LDB2: variants seen among roughly 807,000 people sequenced by gnomAD.
The protein encoded by LDB2 is LIM domain-binding protein 2.
Under a neutral mutation model 44.3 loss-of-function variants are expected in LDB2, and 12 were observed. The ratio of observed to expected loss-of-function variants is 0.27; its 90% CI spans 0.17 to 0.44. The LOEUF is 0.44. Among genes scored for constraint, LDB2 ranks in the 20% least tolerant of loss-of-function variants. LDB2 has a pLI of 1.00. For missense variants in LDB2, 344 were observed against 473.5 expected (o/e 0.73, Z 2.54); for synonymous variants, 164 against 174.8 (o/e 0.94, Z 0.49).
chr4:16,610,974 G>C (rs879737274), intron 2 of LDB2, among the ~76,000 whole-genome samples: 6 of 152,152 alleles, frequency 3.9e-5, no homozygotes, highest in Admixed American at 3.3e-4. Flanking sequence ...AGAAAGGCCA[G>C]GTCACCTACA....
chr4:16,675,547 A>G (rs754542468), intron 2 of LDB2, among the ~76,000 whole-genome samples: 6 of 151,844 alleles, frequency 4.0e-5, no homozygotes, highest in Admixed American at 6.5e-5. Context: ...AGGCAGGGAT[A>G]TAGATAATTA....
chr4:16,661,050 C>A (rs1200291870), intron 2 of LDB2, among the ~76,000 whole-genome samples: 2 of 152,192 alleles, frequency 1.3e-5, no homozygotes, highest in Admixed American at 6.5e-5. Flanking sequence ...AAATTATACC[C>A]TGTTCTTTCC....
chr4:16,567,524 TGTTTGG>T (rs758860963), intron 5 of LDB2, among the ~76,000 whole-genome samples: 7 of 151,788 alleles, frequency 4.6e-5, no homozygotes, highest in Non-Finnish European at 7.4e-5. Flanking sequence ...GGGAACTGAG[TGTTTGG>T]GAGGCCGAGG....
chr4:16,719,671 C>T (rs1265253855), intron 2 of LDB2, among the ~76,000 whole-genome samples: 2 of 152,052 alleles, frequency 1.3e-5, no homozygotes, highest in Admixed American at 6.6e-5. Flanking sequence ...CCTAATGCAG[C>T]AGTGTTGAGA....
intron 3 of LDB2, among the ~76,000 whole-genome samples, chr4:16,590,130 G>A (rs758138724): frequency 2.6e-5 from 4 of 152,092 alleles, no homozygotes; most frequent in Non-Finnish European, 4.4e-5. Flanking sequence ...CACTAGCGGC[G>A]GCTTCTCAGG....
At chr4:16,656,259 T>C (rs1010636165) in intron 2 of LDB2, among the ~76,000 whole-genome samples, 4 of 152,204 alleles carry the variant, frequency 2.6e-5, no homozygotes, top group Admixed American at 1.3e-4. Flanking sequence ...CATATTGCCT[T>C]AATTTGTTTC....
intron 1 of LDB2, among the ~76,000 whole-genome samples, chr4:16,762,283 C>T (rs941939813): frequency 2.6e-5 from 4 of 152,162 alleles, no homozygotes; most frequent in Middle Eastern, 3.2e-3. Context: ...TTTTCCCTGG[C>T]AACAGCATCT....
Position 16,502,503 on chromosome 4 carries a change from A to C in LDB2, c.*140T>G, listed in dbSNP as rs1717775925. 8.4e-7 allele frequency: 1 copy of C among 1,192,236 alleles called. No individual in the cohort carries two copies. The highest frequency in any genetic ancestry group is 1.2e-6 in the Non-Finnish European group (1 of 840,294). The allele number at this position is 1,192,236 out of a possible 1,614,324, so 73.9% of individuals were successfully genotyped here. A position where few individuals can be genotyped will look rare whatever the true frequency, so the allele number is the denominator to read the frequency against. On this transcript the variant is annotated 3_prime_UTR_variant, in exon 8 of 8. Coordinates refer to ENST00000304523, the MANE Select transcript of LDB2 (RefSeq NM_001290.5). ...TTAGAAAAAAAGAAAGAAGAAAGAA[A>C]ATCAGATCATTGTGGTTTAGAAATA...
At chr4:16,882,154 T>A (rs1156733684) in intron 1 of LDB2, among the ~76,000 whole-genome samples, 3 of 152,054 alleles carry the variant, frequency 2.0e-5, no homozygotes, top group Admixed American at 2.0e-4. Context: ...TAACTGGAGG[T>A]TCAGCTGGCT....
intron 2 of LDB2, among the ~76,000 whole-genome samples, chr4:16,749,348 A>C (rs1307115165): frequency 6.6e-6 from 1 of 151,884 alleles, no homozygotes; most frequent in Admixed American, 6.6e-5. Context: ...CCACAAGGTC[A>C]GGAGTTCGAG....
At chr4:16,773,184 G>A (rs1404055819) in intron 1 of LDB2, among the ~76,000 whole-genome samples, 1 of 152,220 alleles carries the variant, frequency 6.6e-6, no homozygotes, top group African/African-American at 2.4e-5. Flanking sequence ...TATGACGTCT[G>A]AAGAGGAGAA....
intron 2 of LDB2, among the ~76,000 whole-genome samples, chr4:16,705,471 G>A (rs1183586837): frequency 6.6e-6 from 1 of 152,102 alleles, no homozygotes; most frequent in Non-Finnish European, 1.5e-5. Flanking sequence ...CTAGTAATTT[G>A]CTGTGAGAAC....
chr4:16,521,124 T>G (rs1186907959), intron 5 of LDB2, among the ~76,000 whole-genome samples: 2 of 152,154 alleles, frequency 1.3e-5, no homozygotes, highest in Non-Finnish European at 2.9e-5. Context: ...AGAAGCAGGT[T>G]GTGTTCATTT....
intron 2 of LDB2, among the ~76,000 whole-genome samples, chr4:16,686,369 G>A (rs934467254): frequency 1.3e-5 from 2 of 152,166 alleles, no homozygotes; most frequent in Non-Finnish European, 2.9e-5. Flanking sequence ...CAAAGTGGGT[G>A]GTATTACTCT....
intron 1 of LDB2, among the ~76,000 whole-genome samples, chr4:16,795,050 G>C (rs1776464665): frequency 6.6e-6 from 1 of 152,176 alleles, no homozygotes; most frequent in Non-Finnish European, 1.5e-5. Context: ...AGGGCGCTAG[G>C]AGCGGGGAAG....
At chr4:16,537,259 A>G (rs1732178949) in intron 5 of LDB2, among the ~76,000 whole-genome samples, 1 of 152,212 alleles carries the variant, frequency 6.6e-6, no homozygotes, top group Non-Finnish European at 1.5e-5. Context: ...AGGAAAACAC[A>G]ATGTAGTTTT....
intron 1 of LDB2, among the ~76,000 whole-genome samples, chr4:16,851,317 C>A (rs1256227078): frequency 1.3e-5 from 2 of 151,906 alleles, no homozygotes; most frequent in Non-Finnish European, 1.5e-5. Flanking sequence ...CAAAACCAAC[C>A]AAATAGTATG....
chr4:16,606,527 T>A lies in LDB2; in HGVS notation c.236-10652A>T, dbSNP rs574005853. Reference sequence around the variant, plus strand: ...TTTTTGCCATTTAGATCATAAAGCATGTCCCTCACAAAGTGACAGCCCTCA... The same window carrying A: ...TTTTTGCCATTTAGATCATAAAGCAAGTCCCTCACAAAGTGACAGCCCTCA... On this transcript the variant is annotated intron_variant, in intron 2 of 7. Transcript: ENST00000304523. 2.0e-5 allele frequency among the ~76,000 whole-genome samples: 3 copies of A among 152,364 alleles called. No individual in the cohort carries two copies. The East Asian group carries it at 5.8e-4, about 29-fold the overall frequency.
In LDB2 at chr4:16,744,956, T is replaced by C. The variant is rs190354962; in HGVS notation, c.235+14202A>G. 3.9e-5 allele frequency among the ~76,000 whole-genome samples: 6 copies of C among 152,350 alleles called. No individual in the cohort carries two copies. In the East Asian group the frequency reaches 1.2e-3, roughly 29 times the overall value. ...AAAAACTCCTGTGTATCAGGGATTGTATGTATGTTACTCACAAATACTATA... is the reference window on the plus strand; with the variant it reads ...AAAAACTCCTGTGTATCAGGGATTGCATGTATGTTACTCACAAATACTATA... On this transcript the variant is annotated intron_variant, in intron 2 of 7. Transcript: ENST00000304523.
Sources: allele counts gnomAD v4.1 joint callset (sites outside exome capture counted in the v4.1 genomes callset), GRCh38; gene constraint gnomAD v4.1.1; transcripts MANE v1.5; gene names NCBI Gene and HGNC (gene_info 2026-07-23, HGNC 2026-07-21).